MEGF10: variants seen among roughly 807,000 people sequenced by gnomAD.
MEGF10 encodes multiple epidermal growth factor-like domains protein 10.
Under a neutral mutation model 147.5 loss-of-function variants are expected in MEGF10, and 86 were observed. That is an observed-to-expected ratio of 0.58 (90% CI 0.49 to 0.70). The LOEUF (loss-of-function observed/expected upper bound fraction) is 0.70, where lower values mean the gene tolerates loss of function less well. Ranked by LOEUF, MEGF10 falls within the 30% of genes least tolerant of loss-of-function variation. The pLI is 0.00. For missense variants in MEGF10, 1,329 were observed against 1,487.3 expected (o/e 0.89, Z 1.75); for synonymous variants, 478 against 525.5 (o/e 0.91, Z 1.24).
At chr5:127,437,608 C>T (rs1322853447) in intron 16 of MEGF10, among the ~76,000 whole-genome samples, 1 of 152,088 alleles carries the variant, frequency 6.6e-6, no homozygotes, top group Non-Finnish European at 1.5e-5. Context: ...AATTATTTTA[C>T]CCCCTGATCT....
At chr5:127,256,126 T>G in the MEGF10 span, among the ~76,000 whole-genome samples, 1 of 152,216 alleles carries the variant, frequency 6.6e-6, no homozygotes, top group Non-Finnish European at 1.5e-5. Context: ...GCCTGTAAGT[T>G]AAAACTGTAC....
intron 5 of MEGF10, among the ~76,000 whole-genome samples, chr5:127,387,595 G>C (rs929195240): frequency 6.6e-6 from 1 of 152,176 alleles, no homozygotes; most frequent in African/African-American, 2.4e-5. Context: ...GGTGTTCAGC[G>C]TGGCATAAGG....
chr5:127,251,934 C>T, the MEGF10 span, among the ~76,000 whole-genome samples: 1 of 151,766 alleles, frequency 6.6e-6, no homozygotes, highest in African/African-American at 2.4e-5. Flanking sequence ...AAATAACAAT[C>T]CCTCCAATAG....
intron 9 of MEGF10, among the ~76,000 whole-genome samples, chr5:127,413,337 G>T (rs1301515735): frequency 6.6e-6 from 1 of 152,106 alleles, no homozygotes; most frequent in East Asian, 1.9e-4. Context: ...AATATAGAGA[G>T]ATAGATTAAC....
the MEGF10 span, among the ~76,000 whole-genome samples, chr5:127,244,329 C>T: frequency 6.8e-6 from 1 of 147,156 alleles, no homozygotes. Context: ...CGTGCCACTG[C>T]ACTGCAGCCT....
chr5:127,318,101 T>A (rs752156352), intron 1 of MEGF10, among the ~76,000 whole-genome samples: 1 of 152,132 alleles, frequency 6.6e-6, no homozygotes, highest in Non-Finnish European at 1.5e-5. Context: ...TTAGTGCCCT[T>A]ATAAAAGAGA....
chr5:127,375,130 A>G (rs1236209614), intron 5 of MEGF10, among the ~76,000 whole-genome samples: 2 of 152,202 alleles, frequency 1.3e-5, no homozygotes, highest in Non-Finnish European at 2.9e-5. Context: ...ATCTGGATCA[A>G]TCACTCCAAC....
chr5:127,393,028 T>C (rs1043001696), intron 5 of MEGF10, among the ~76,000 whole-genome samples: 1 of 152,192 alleles, frequency 6.6e-6, no homozygotes, highest in Non-Finnish European at 1.5e-5. Flanking sequence ...AGCATTTAGG[T>C]CACTTTCAAT....
intron 1 of MEGF10, among the ~76,000 whole-genome samples, chr5:127,324,270 TGAA>T (rs1362085434): frequency 6.6e-6 from 1 of 152,186 alleles, no homozygotes; most frequent in Non-Finnish European, 1.5e-5. Context: ...GGGATGTTAT[TGAA>T]GTGTATCAAA....
intron 7 of MEGF10, among the ~76,000 whole-genome samples, chr5:127,400,508 T>C (rs960784294): frequency 5.9e-5 from 9 of 152,268 alleles, no homozygotes; most frequent in African/African-American, 2.2e-4. Flanking sequence ...TGACTCCTCC[T>C]GTTCTTTCAT....
At position 127,340,252 on chromosome 5, in the gene MEGF10, G is replaced by A. The variant is rs530360995; in HGVS notation, c.219-278G>A. Among the ~76,000 whole-genome samples, 46 of 152,202 alleles carry A rather than the reference G, an allele frequency of 3.0e-4. 1 individual carries two copies. Among genetic ancestry groups the A allele is most frequent in the African/African-American group, 1.1e-3 (45 of 41,542 alleles). On this transcript the variant is annotated intron_variant, in intron 3 of 24. Transcript: ENST00000503335. The stretch of plus-strand genomic sequence containing the variant: ...TCTGAATTCTTCCTTTAAAACATAC[G>A]TAAGTGAATGATGCTTTGATGGGTA...
intron 5 of MEGF10, among the ~76,000 whole-genome samples, chr5:127,371,001 T>A (rs551739403): frequency 6.6e-6 from 1 of 152,342 alleles, no homozygotes; most frequent in South Asian, 2.1e-4. Flanking sequence ...AAGCTGATTT[T>A]AAAAATTTTT....
chr5:127,394,607 A>T lies in MEGF10; in HGVS notation c.413-1925A>T, dbSNP rs190370340. 2.0e-3 allele frequency among the ~76,000 whole-genome samples: 302 copies of T among 152,232 alleles called. 1 individual carries two copies. Among genetic ancestry groups the T allele is most frequent in the African/African-American group, 6.9e-3 (288 of 41,526 alleles). On this transcript the variant is annotated intron_variant, in intron 5 of 24. Transcript: ENST00000503335. ...GAGATCAAAAGGGACATATCATGTA[A>T]TTTTCTTAAAGATTTTTTTCTTTTG...
chr5:127,365,498 G>A (rs17165035), intron 4 of MEGF10, among the ~76,000 whole-genome samples: 19,061 of 152,252 alleles, frequency 0.13, 1,295 homozygotes, highest in African/African-American at 0.15. Flanking sequence ...GACTGAAACA[G>A]GAGCCTAATT....
the MEGF10 span, among the ~76,000 whole-genome samples, chr5:127,233,167 C>T: frequency 1.3e-5 from 2 of 152,188 alleles, no homozygotes; most frequent in Admixed American, 6.5e-5. Flanking sequence ...AGGCATCTTT[C>T]TTCACAATGG....
intron 7 of MEGF10, among the ~76,000 whole-genome samples, chr5:127,399,215 A>G (rs1356485020): frequency 1.3e-5 from 2 of 152,234 alleles, no homozygotes; most frequent in Non-Finnish European, 2.9e-5. Context: ...TCACCTGAAA[A>G]AAAATCATAG....
upstream of MEGF10, among the ~76,000 whole-genome samples, chr5:127,286,989 C>A (rs1759049317): frequency 1.3e-5 from 2 of 151,574 alleles, no homozygotes; most frequent in South Asian, 4.2e-4. Context: ...GAATGCAAGG[C>A]AAGTTTAATA....
intron 7 of MEGF10, among the ~76,000 whole-genome samples, chr5:127,402,058 A>G (rs190067346): frequency 2.0e-5 from 3 of 152,332 alleles, no homozygotes; most frequent in Admixed American, 6.5e-5. Flanking sequence ...GCTACATTTT[A>G]AGAAATAAAG....
At chr5:127,402,188 A>T (rs1270969830) in intron 7 of MEGF10, among the ~76,000 whole-genome samples, 1 of 152,230 alleles carries the variant, frequency 6.6e-6, no homozygotes, top group Non-Finnish European at 1.5e-5. Flanking sequence ...CTTATTGTGC[A>T]TGTAAGACAC....
Sources: allele counts gnomAD v4.1 joint callset (sites outside exome capture counted in the v4.1 genomes callset), GRCh38; gene constraint gnomAD v4.1.1; transcripts MANE v1.5; gene names NCBI Gene and HGNC (gene_info 2026-07-23, HGNC 2026-07-21).